The following SV2B variants were observed in gnomAD, a reference collection of about 807,000 sequenced individuals.
The protein encoded by SV2B is solute carrier family 22 member B2.
Under a neutral mutation model 73.9 loss-of-function variants are expected in SV2B, and 41 were observed. That is an observed-to-expected ratio of 0.56 (90% confidence interval 0.43 to 0.72). The LOEUF (loss-of-function observed/expected upper bound fraction) is 0.72. SV2B is among the 30% of genes least tolerant of loss of function. The pLI is 0.00. For missense variants in SV2B, 764 were observed against 857.8 expected (o/e 0.89, Z 1.37); for synonymous variants, 314 against 314.2 (o/e 1.00, Z 0.01).
chr15:91,284,088 C>T lies in SV2B; in HGVS notation c.1575C>T (p.Gly525=). 1 of 1,614,184 alleles carries T rather than the reference C, an allele frequency of 6.2e-7. No homozygotes were observed. Among genetic ancestry groups the T allele is most frequent in the Non-Finnish European group, 8.5e-7 (1 of 1,180,040 alleles). The change falls in exon 11 of 13, where the codon GGC becomes GGT. Residue 525 remains glycine (G), a synonymous_variant. Coordinates refer to ENST00000394232, the MANE Select transcript of SV2B (RefSeq NM_001323032.3). This position sits in a 1 kb window ranked among gnomAD's most constrained non-coding sequence, Gnocchi z 4.5. ...CCACCTTCCTGGAGCAGAAGGAGGGCTGCCACATGGACTTGGAGCAAGATA... is the reference window on the plus strand; with the variant it reads ...CCACCTTCCTGGAGCAGAAGGAGGGTTGCCACATGGACTTGGAGCAAGATA... ...INSTFLEQKE[G]CHMDLEQDND... is the part of the protein sequence containing the mutation.
rs1466320095 is a variant in SV2B, at chr15:91,129,270, T to C, written c.-392+28907T>C. On this transcript the variant is annotated intron_variant, in intron 1 of 12. Transcript: ENST00000394232. This position sits in a 1 kb window ranked among gnomAD's most constrained non-coding sequence, Gnocchi z 5.1. ...TTAAGAAAGTTAGAGTCAAGTGGGT[T>C]GAATACATGTGCATTTGCATGTATT... 6.6e-6 allele frequency among the ~76,000 whole-genome samples: 1 copy of C among 152,240 alleles called. No homozygotes were observed. Among genetic ancestry groups the C allele is most frequent in the Non-Finnish European group, 1.5e-5 (1 of 68,040 alleles).
chr15:91,252,318 C>G lies in SV2B; in HGVS notation c.633-51C>G, dbSNP rs766135959. On this transcript the variant is annotated intron_variant, in intron 3 of 12. Coordinates refer to ENST00000394232, the MANE Select transcript of SV2B (RefSeq NM_001323032.3). This position sits in a 1 kb window ranked among gnomAD's most constrained non-coding sequence, Gnocchi z 4.6. ...TAGGCAACTTGGTTTCTGCTGTGACCATTTTTAGTGTATGACTTGATTCTT... is the reference window on the plus strand; with the variant it reads ...TAGGCAACTTGGTTTCTGCTGTGACGATTTTTAGTGTATGACTTGATTCTT... 14 of 1,559,644 alleles carry G rather than the reference C, an allele frequency of 9.0e-6. No homozygotes were observed. Among genetic ancestry groups the G allele is most frequent in the Admixed American group, 1.8e-5 (1 of 54,992 alleles).
At chr15:91,120,822 AAAAAGAAAG>A in intron 1 of SV2B, among the ~76,000 whole-genome samples, 1 of 151,278 alleles carries the variant, frequency 6.6e-6, no homozygotes, top group Non-Finnish European at 1.5e-5. Flanking sequence ...AAAAAAAAAA[AAAAAGAAAG>A]AAAAAGTAAA....
Position 91,260,352 on chromosome 15 carries a change from C to T in SV2B, c.951C>T (p.Leu317=). Residue 317 remains leucine, a synonymous_variant, in exon 6 of 13, where the codon CTC becomes CTT. Coordinates refer to ENST00000394232, the MANE Select transcript of SV2B (RefSeq NM_001323032.3). The part of the protein sequence containing the change: ...MGKHDEAWMI[L]KQVHDTNMRA... ...AACATGATGAAGCCTGGATGATTCT[C>T]AAGCAAGTCCATGACACCAACATGA... 1 of 1,613,532 alleles carries T rather than the reference C, an allele frequency of 6.2e-7. No homozygotes were observed. Among genetic ancestry groups the T allele is most frequent in the Non-Finnish European group, 8.5e-7 (1 of 1,179,822 alleles).
In SV2B at chr15:91,245,187, GC is replaced by G. The variant is rs1210002037; in HGVS notation, c.452-6630del. Among the ~76,000 whole-genome samples, 1 of 152,154 alleles carries G rather than the reference GC, an allele frequency of 6.6e-6. No individual in the cohort carries two copies. The highest frequency in any genetic ancestry group is 1.5e-5 in the Non-Finnish European group (1 of 68,028). ...AGCTGAGAAGAGGTTTCTGATATCT[GC>G]CAGCTCTCTAGAAGGATATTTGGCA... On this transcript the variant is annotated intron_variant, in intron 2 of 12. Transcript: ENST00000394232. The surrounding 1 kb of genome is among the most constrained non-coding windows in gnomAD (Gnocchi z 4.2).
At chr15:91,211,801 CTT>C (rs775815258) in intron 1 of SV2B, among the ~76,000 whole-genome samples, 1 of 105,994 alleles carries the variant, frequency 9.4e-6, no homozygotes, top group Non-Finnish European at 1.9e-5. Context: ...CTCGCCTGGG[CTT>C]TTTTTTTTTT....
At chr15:91,196,851 T>C (rs930704412) in intron 1 of SV2B, among the ~76,000 whole-genome samples, 1 of 152,150 alleles carries the variant, frequency 6.6e-6, no homozygotes, top group Non-Finnish European at 1.5e-5. Flanking sequence ...GAGGTGAGCC[T>C]AAAGGGGAGG....
chr15:91,256,098 A>G lies in SV2B; in HGVS notation c.785-2323A>G, dbSNP rs1038984362. ...CTGTGAACTCACGGGTAAAGCTCAGAAAAAAAAATGGATATATTATGGAAG... is the reference window on the plus strand; with the variant it reads ...CTGTGAACTCACGGGTAAAGCTCAGGAAAAAAAATGGATATATTATGGAAG... On this transcript the variant is annotated intron_variant, in intron 4 of 12. Coordinates refer to ENST00000394232, the MANE Select transcript of SV2B (RefSeq NM_001323032.3). 1.3e-4 allele frequency among the ~76,000 whole-genome samples: 19 copies of G among 151,606 alleles called. 1 individual carries two copies. Among genetic ancestry groups the G allele is most frequent in the African/African-American group, 4.4e-4 (18 of 41,354 alleles).
chr15:91,217,969 A>C (rs775708783), intron 1 of SV2B, among the ~76,000 whole-genome samples: 5 of 152,260 alleles, frequency 3.3e-5, no homozygotes, highest in Admixed American at 3.3e-4. Flanking sequence ...CTCAGTACTC[A>C]CTATTGCTAT....
At chr15:91,213,569 G>A (rs1338003482) in intron 1 of SV2B, among the ~76,000 whole-genome samples, 1 of 152,160 alleles carries the variant, frequency 6.6e-6, no homozygotes, top group Non-Finnish European at 1.5e-5. Flanking sequence ...AGCACTTCCT[G>A]TCTGGGTGGT....
chr15:91,144,775 A>G (rs956260988), intron 1 of SV2B, among the ~76,000 whole-genome samples: 1 of 152,162 alleles, frequency 6.6e-6, no homozygotes, highest in African/African-American at 2.4e-5. Context: ...CTTGGCAGCC[A>G]GCCTATTCCT....
At position 91,300,988 on chromosome 15, in the gene SV2B, C is replaced by G. The variant is rs961711777; in HGVS notation, c.*8436C>G. 1 of 152,236 alleles carries G rather than the reference C, an allele frequency of 6.6e-6. No individual in the cohort carries two copies. Among genetic ancestry groups the G allele is most frequent in the African/African-American group, 2.4e-5 (1 of 41,444 alleles). 9.4% of individuals were successfully genotyped at this position (152,236 alleles called of 1,614,324 possible). On this transcript the variant is annotated 3_prime_UTR_variant, in exon 13 of 13. Transcript: ENST00000394232. The stretch of plus-strand genomic sequence containing the variant: ...TGGAGGAAGATGTTTCTTTGGAAGC[C>G]TGCCATCTTTCTGTAACGCACCTTC...
Position 91,208,272 on chromosome 15 carries a change from A to G in SV2B, c.-391-17601A>G, listed in dbSNP as rs542748437. On this transcript the variant is annotated intron_variant, in intron 1 of 12. Transcript: ENST00000394232. ...GCATTTTGCAAAAACTGGTGTGTCT[A>G]TACCTCTATTTATATGCACAACAGC... 2.0e-5 allele frequency among the ~76,000 whole-genome samples: 3 copies of G among 152,170 alleles called. No individual in the cohort carries two copies. In the East Asian group the frequency reaches 5.8e-4, roughly 29 times the overall value.
At position 91,294,569 on chromosome 15, in the gene SV2B, A is replaced by G. The variant is rs1342856988; in HGVS notation, c.*2017A>G. 6.6e-6 allele frequency: 1 copy of G among 152,108 alleles called. No individual in the cohort carries two copies. The highest frequency in any genetic ancestry group is 1.5e-5 in the Non-Finnish European group (1 of 68,046). The allele number at this position is 152,108 out of a possible 1,614,324, so 9.4% of individuals were successfully genotyped here. ...AATATAGCTGTAATTTACTTTCCAT[A>G]TGAATACAGTGGCTAGGTTCATAAA... On this transcript the variant is annotated 3_prime_UTR_variant, in exon 13 of 13. Transcript: ENST00000394232. The surrounding 1 kb of genome is among the most constrained non-coding windows in gnomAD (Gnocchi z 4.1).
At chr15:91,255,285 C>T (rs2047644809) in intron 4 of SV2B, among the ~76,000 whole-genome samples, 1 of 152,194 alleles carries the variant, frequency 6.6e-6, no homozygotes, top group African/African-American at 2.4e-5. Context: ...TGGTAATTGT[C>T]TGACCACTGC....
At chr15:91,230,095 G>A (rs1190150759) in intron 2 of SV2B, among the ~76,000 whole-genome samples, 1 of 152,114 alleles carries the variant, frequency 6.6e-6, no homozygotes, top group East Asian at 1.9e-4. Context: ...AAAGAAATTA[G>A]CCAGATATGG....
Position 91,295,264 on chromosome 15 carries a change from A to G in SV2B, c.*2712A>G, listed in dbSNP as rs1156952951. 6.6e-6 allele frequency: 1 copy of G among 152,150 alleles called. No homozygotes were observed. Among genetic ancestry groups the G allele is most frequent in the Admixed American group, 6.5e-5 (1 of 15,278 alleles). The allele number at this position is 152,150 out of a possible 1,614,324, so 9.4% of individuals were successfully genotyped here. A position where few individuals can be genotyped will look rare whatever the true frequency, so the allele number is the denominator to read the frequency against. On this transcript the variant is annotated 3_prime_UTR_variant, in exon 13 of 13. Coordinates refer to ENST00000394232, the MANE Select transcript of SV2B (RefSeq NM_001323032.3). ...ATGCTGATTTTTGATCTTTTGTTTT[A>G]TTAAAAATAATTAGTGAAAGAGGTG...
Position 91,245,372 on chromosome 15 carries a change from C to G in SV2B, c.452-6447C>G, listed in dbSNP as rs372634659. Among the ~76,000 whole-genome samples the G allele has an allele frequency of 2.0e-5, 3 of 152,182 alleles. No homozygotes were observed. Among genetic ancestry groups the G allele is most frequent in the Non-Finnish European group, 4.4e-5 (3 of 68,038 alleles). On this transcript the variant is annotated intron_variant, in intron 2 of 12. Coordinates refer to ENST00000394232, the MANE Select transcript of SV2B (RefSeq NM_001323032.3). The surrounding 1 kb of genome is among the most constrained non-coding windows in gnomAD (Gnocchi z 4.2). ...TTAAGTGAAAAGCTAGACTATGAAG[C>G]TTTCGAGACAGAAAGATTTCTATCG...
intron 1 of SV2B, among the ~76,000 whole-genome samples, chr15:91,111,252 T>C (rs2042026955): frequency 1.3e-5 from 2 of 152,220 alleles, no homozygotes; most frequent in Admixed American, 1.3e-4. Context: ...CTTGTTACTT[T>C]CAGCCCATTT....
Sources: allele counts gnomAD v4.1 joint callset (sites outside exome capture counted in the v4.1 genomes callset), GRCh38; gene constraint gnomAD v4.1.1; non-coding constraint Gnocchi (gnomAD v3.1); transcripts MANE v1.5; gene names NCBI Gene and HGNC (gene_info 2026-07-23, HGNC 2026-07-21).